Variants in ATG5 observed in about 807,000 individuals in gnomAD.
The protein encoded by ATG5 is autophagy protein 5.
ATG5 carries 14 observed loss-of-function variants against 36.5 expected under a neutral mutation model. The observed-to-expected ratio is 0.38, with a 90% confidence interval of 0.25 to 0.60. The LOEUF is 0.60. Among genes scored for constraint, ATG5 ranks in the 20% least tolerant of loss-of-function variants. ATG5 has a pLI of 0.60. For missense variants in ATG5, 195 were observed against 326.7 expected (o/e 0.60, Z 3.11); for synonymous variants, 95 against 101.5 (o/e 0.94, Z 0.38).
At chr6:106,246,106 T>A (rs757755669) in intron 6 of ATG5, among the ~76,000 whole-genome samples, 1 of 152,140 alleles carries the variant, frequency 6.6e-6, no homozygotes, top group Non-Finnish European at 1.5e-5. Flanking sequence ...TAAATTCAAA[T>A]AAAAACCAAA....
At chr6:106,200,475 C>T (rs1023390582) in intron 7 of ATG5, among the ~76,000 whole-genome samples, 5 of 150,168 alleles carry the variant, frequency 3.3e-5, no homozygotes, top group East Asian at 2.0e-4. Flanking sequence ...TACAACTCTG[C>T]AATTTTTTTT....
chr6:106,260,877 G>A (rs1778992775), intron 5 of ATG5, among the ~76,000 whole-genome samples: 2 of 152,170 alleles, frequency 1.3e-5, no homozygotes, highest in Admixed American at 6.5e-5. Context: ...GTCTATACAG[G>A]CCAAGTTCAA....
intron 5 of ATG5, among the ~76,000 whole-genome samples, chr6:106,261,528 T>A (rs1332572175): frequency 1.3e-5 from 2 of 152,218 alleles, no homozygotes; most frequent in Non-Finnish European, 2.9e-5. Flanking sequence ...TTGAAACATA[T>A]CTGGCACAGC....
intron 5 of ATG5, among the ~76,000 whole-genome samples, chr6:106,251,729 GAGAAAGAA>G (rs532850489): frequency 2.7e-5 from 4 of 146,354 alleles, no homozygotes; most frequent in Non-Finnish European, 6.0e-5. Context: ...GAAAGAGAAA[GAGAAAGAA>G]AGAAAGAAAA....
chr6:106,201,878 C>T, intron 7 of ATG5, 94 bp downstream of exon 7: 4 of 866,324 alleles, frequency 4.6e-6, no homozygotes, highest in Non-Finnish European at 6.9e-6. Flanking sequence ...AAAATATCTT[C>T]CTGAAATAAC....
At chr6:106,229,380 C>G (rs1316588006) in intron 6 of ATG5, among the ~76,000 whole-genome samples, 3 of 151,160 alleles carry the variant, frequency 2.0e-5, no homozygotes, top group Non-Finnish European at 4.4e-5. Flanking sequence ...CAGAGAGAGA[C>G]AGAGAGAAAG....
At chr6:106,314,185 C>A (rs1049929155) in intron 2 of ATG5, among the ~76,000 whole-genome samples, 3 of 152,134 alleles carry the variant, frequency 2.0e-5, no homozygotes, top group Admixed American at 1.3e-4. Flanking sequence ...TTAAACAGGT[C>A]TATAAAGAAA....
intron 6 of ATG5, among the ~76,000 whole-genome samples, chr6:106,241,391 G>A (rs972189632): frequency 5.3e-5 from 8 of 152,128 alleles, no homozygotes; most frequent in African/African-American, 1.9e-4. Context: ...GTGCACTGTT[G>A]GTGGGAATGT....
At chr6:106,232,771 C>T (rs542889364) in intron 6 of ATG5, among the ~76,000 whole-genome samples, 14 of 152,322 alleles carry the variant, frequency 9.2e-5, no homozygotes, top group Non-Finnish European at 1.5e-4. Flanking sequence ...TCCCTCTATA[C>T]CTAGCTGTAC....
intron 2 of ATG5, among the ~76,000 whole-genome samples, chr6:106,312,623 T>TACACACACACACACACAC (rs144983689): frequency 2.1e-5 from 3 of 144,402 alleles, no homozygotes; most frequent in Non-Finnish European, 4.6e-5. Flanking sequence ...CAAAAAAGAC[T>TACACACACACACACACAC]ACACACACAC....
chr6:106,257,297 T>A (rs561588617), intron 5 of ATG5, among the ~76,000 whole-genome samples: 1 of 152,204 alleles, frequency 6.6e-6, no homozygotes, highest in Non-Finnish European at 1.5e-5. Context: ...TCTAAAATAA[T>A]GAAAAAAGTA....
chr6:106,303,314 G>GA (rs1375376068), intron 3 of ATG5, among the ~76,000 whole-genome samples: 1 of 151,786 alleles, frequency 6.6e-6, no homozygotes, highest in Non-Finnish European at 1.5e-5. Flanking sequence ...TAACAACTTA[G>GA]AAAAAACAAA....
chr6:106,199,327 T>A (rs1426285532), intron 7 of ATG5, among the ~76,000 whole-genome samples: 1 of 152,196 alleles, frequency 6.6e-6, no homozygotes, highest in African/African-American at 2.4e-5. Context: ...CAAACACCCA[T>A]CAGCTGGTAC....
intron 5 of ATG5, among the ~76,000 whole-genome samples, chr6:106,275,352 C>A (rs2757133): frequency 0.085 from 12,998 of 152,172 alleles, 585 homozygotes; most frequent in South Asian, 0.13. Context: ...GTACCAAGGA[C>A]TCCAGTATCC....
chr6:106,291,874 A>G (rs1194897736), intron 4 of ATG5, among the ~76,000 whole-genome samples: 1 of 152,246 alleles, frequency 6.6e-6, no homozygotes, highest in Non-Finnish European at 1.5e-5. Flanking sequence ...AACGTGTTTA[A>G]TAACATGGTA....
intron 6 of ATG5, among the ~76,000 whole-genome samples, chr6:106,234,354 CA>C (rs1372460890): frequency 2.0e-5 from 3 of 152,156 alleles, no homozygotes; most frequent in African/African-American, 4.8e-5. Flanking sequence ...TATTTCAGGC[CA>C]TGCATTTCAA....
intron 6 of ATG5, among the ~76,000 whole-genome samples, chr6:106,217,107 T>C (rs948056679): frequency 2.0e-5 from 3 of 152,000 alleles, no homozygotes; most frequent in African/African-American, 7.2e-5. Flanking sequence ...TTATATTTCA[T>C]AAAAACAAAT....
intron 5 of ATG5, among the ~76,000 whole-genome samples, chr6:106,263,061 C>A (rs1223301037): frequency 6.6e-6 from 1 of 152,240 alleles, no homozygotes; most frequent in Non-Finnish European, 1.5e-5. Flanking sequence ...GTGGGTCCCA[C>A]TCCTACGGAG....
At chr6:106,296,644 C>G (rs1050550218) in intron 3 of ATG5, among the ~76,000 whole-genome samples, 4 of 152,058 alleles carry the variant, frequency 2.6e-5, no homozygotes, top group Admixed American at 1.3e-4. Flanking sequence ...AAGGTGAAAC[C>G]CCATCTCTAC....
Sources: gnomAD v4.1 joint callset for allele counts (sites outside exome capture counted in the v4.1 genomes callset) on GRCh38, gnomAD v4.1.1 for gene constraint, MANE v1.5 for transcripts, NCBI Gene and HGNC (gene_info 2026-07-23, HGNC 2026-07-21) for gene names.